Variants in NLN observed in about 807,000 individuals in gnomAD.
NLN encodes neurolysin.
Under a neutral mutation model 79.9 loss-of-function variants are expected in NLN, and 64 were observed. The observed-to-expected ratio is 0.80, with a 90% confidence interval of 0.65 to 0.99. NLN has a LOEUF of 0.99. Among genes scored for constraint, NLN ranks in the 50% least tolerant of loss-of-function variants. The pLI is 0.00. For synonymous variants in NLN, 267 were observed against 296.6 expected (o/e 0.90, Z 1.02); for missense variants, 835 against 858.7 (o/e 0.97, Z 0.34).
intron 1 of NLN, among the ~76,000 whole-genome samples, chr5:65,740,212 G>A (rs373024599): frequency 1.3e-5 from 2 of 152,142 alleles, no homozygotes; most frequent in Non-Finnish European, 2.9e-5. Flanking sequence ...GTGCAAGGTC[G>A]AGGGTCTTCT....
intron 1 of NLN, among the ~76,000 whole-genome samples, chr5:65,724,793 C>CTTTTTTTTTTTTTTTTTT (rs1002951301): frequency 7.1e-6 from 1 of 139,872 alleles, no homozygotes. Flanking sequence ...GGCATTGTTT[C>CTTTTTTTTTTTTTTTTTT]TTTTTTTTTT....
intron 6 of NLN, 78 bp downstream of exon 6, chr5:65,781,499 A>G: frequency 9.6e-7 from 1 of 1,044,940 alleles, no homozygotes; most frequent in Non-Finnish European, 1.5e-6. Flanking sequence ...ACCAGTGTCA[A>G]AGTCAGCTCA....
intron 9 of NLN, among the ~76,000 whole-genome samples, chr5:65,800,663 C>CTTTTTTTTTAT (rs10639871): frequency 7.0e-6 from 1 of 142,880 alleles, no homozygotes; most frequent in Non-Finnish European, 1.5e-5. Context: ...AGAAAACTCT[C>CTTTTTTTTTAT]TTATTTATTT....
intron 9 of NLN, among the ~76,000 whole-genome samples, chr5:65,801,335 G>T (rs1760282117): frequency 6.6e-6 from 1 of 152,120 alleles, no homozygotes. Flanking sequence ...GTATTTGTTG[G>T]CTGGTCAACA....
intron 12 of NLN, among the ~76,000 whole-genome samples, chr5:65,814,740 AAAAT>A (rs1189027283): frequency 6.6e-6 from 1 of 152,168 alleles, no homozygotes; most frequent in African/African-American, 2.4e-5. Context: ...TAAAAAATGG[AAAAT>A]AGACTAGTTT....
rs376588869 is a variant in NLN, at chr5:65,735,948, ATAT to A, written c.41+13538_41+13540del. On this transcript the variant is annotated intron_variant, in intron 1 of 12. Coordinates refer to ENST00000380985, the MANE Select transcript of NLN (RefSeq NM_020726.5). ...ATTCATTTATCTTAAGAGTTATGAA[ATAT>A]TATACACAAAAAATGTAATGCATAT... Among the ~76,000 whole-genome samples, 39 of 152,352 alleles carry A rather than the reference ATAT, an allele frequency of 2.6e-4. 1 individual carries two copies. The highest frequency in any genetic ancestry group is 8.7e-4 in the African/African-American group (36 of 41,586).
At chr5:65,751,387 C>CAT (rs1759098391) in intron 1 of NLN, among the ~76,000 whole-genome samples, 1 of 152,140 alleles carries the variant, frequency 6.6e-6, no homozygotes, top group South Asian at 2.1e-4. Context: ...ATGTTTTTGT[C>CAT]ATATTTGTCC....
At chr5:65,789,431 C>T (rs1760007625) in intron 8 of NLN, among the ~76,000 whole-genome samples, 1 of 152,196 alleles carries the variant, frequency 6.6e-6, no homozygotes, top group Admixed American at 6.5e-5. Context: ...TTAGCTGCTA[C>T]CATTGTCATT....
intron 1 of NLN, among the ~76,000 whole-genome samples, chr5:65,728,728 C>T (rs1758536783): frequency 6.6e-6 from 1 of 152,130 alleles, no homozygotes; most frequent in Non-Finnish European, 1.5e-5. Flanking sequence ...AATTCCTAAA[C>T]AAAAATTCAG....
intron 9 of NLN, among the ~76,000 whole-genome samples, chr5:65,795,613 G>A (rs942173775): frequency 6.6e-6 from 1 of 152,188 alleles, no homozygotes; most frequent in African/African-American, 2.4e-5. Flanking sequence ...CTTGAACCCA[G>A]GAGGCAGAAA....
intron 1 of NLN, among the ~76,000 whole-genome samples, chr5:65,739,818 G>A (rs1177878712): frequency 6.6e-6 from 1 of 152,098 alleles, no homozygotes; most frequent in Non-Finnish European, 1.5e-5. Flanking sequence ...AGAAATGTCT[G>A]TTTGAGTCCT....
At chr5:65,803,722 C>T (rs1760344980) in intron 9 of NLN, among the ~76,000 whole-genome samples, 1 of 152,026 alleles carries the variant, frequency 6.6e-6, no homozygotes, top group African/African-American at 2.4e-5. Flanking sequence ...CCCAAGAGCA[C>T]AGGCATACCT....
intron 1 of NLN, among the ~76,000 whole-genome samples, chr5:65,753,755 A>T (rs1380683413): frequency 6.6e-6 from 1 of 151,900 alleles, no homozygotes; most frequent in African/African-American, 2.4e-5. Context: ...GTTAAGATGG[A>T]TATGTCCTAT....
intron 1 of NLN, among the ~76,000 whole-genome samples, chr5:65,732,628 T>A (rs1229210542): frequency 7.0e-6 from 1 of 142,240 alleles, no homozygotes; most frequent in African/African-American, 2.6e-5. Flanking sequence ...TATAAAGTGA[T>A]AGGTGGTTTG....
At chr5:65,792,823 C>T (rs1242554969) in intron 9 of NLN, 168 bp downstream of exon 9, 1 of 681,838 alleles carries the variant, frequency 1.5e-6, no homozygotes, top group South Asian at 1.5e-5. Context: ...TCCTCTTTCA[C>T]AACATATTTT....
Position 65,792,590 on chromosome 5 carries a change from A to G in NLN, c.1462A>G (p.Arg488Gly). 6.2e-7 allele frequency: 1 copy of G among 1,613,900 alleles called. No individual in the cohort carries two copies. Among genetic ancestry groups the G allele is most frequent in the Non-Finnish European group, 8.5e-7 (1 of 1,179,896 alleles). Residue 488 changes from arginine (R) to glycine (G), a missense_variant, in exon 9 of 13, where the codon AGA becomes GGA. Arg to Gly is a moderately radical substitution (Grantham distance 125). Transcript: ENST00000380985. ...AGTGGCAGGTCGTCCCTCTCTCCTG[A>G]GACACGACGAGGTGAGGACTTACTT... ...QPVAGRPSLL[R>G]HDEVRTYFHE...
intron 2 of NLN, 110 bp downstream of exon 2, chr5:65,758,936 A>G (rs1249296535): frequency 2.8e-5 from 27 of 972,444 alleles, no homozygotes; most frequent in Non-Finnish European, 4.1e-5. Context: ...TTTTTACATT[A>G]TAATTAATTG....
intron 9 of NLN, chr5:65,809,200 T>G (rs1324517971): frequency 4.8e-6 from 1 of 209,402 alleles, no homozygotes; most frequent in Non-Finnish European, 9.4e-6. Context: ...TACTTCTGCT[T>G]TCAAAGCTTA....
At chr5:65,785,946 T>C (rs1416535206) in intron 7 of NLN, 36 bp downstream of exon 7, 1 of 1,598,928 alleles carries the variant, frequency 6.3e-7, no homozygotes, top group Non-Finnish European at 8.5e-7. Context: ...ACTGTTTTGC[T>C]ATACCATGTC....
Sources: gnomAD v4.1 joint callset for allele counts (sites outside exome capture counted in the v4.1 genomes callset) on GRCh38, gnomAD v4.1.1 for gene constraint, MANE v1.5 for transcripts, NCBI Gene and HGNC (gene_info 2026-07-23, HGNC 2026-07-21) for gene names.